Variants in GTF3C1 observed in about 807,000 individuals in gnomAD.
The protein encoded by GTF3C1 is general transcription factor IIIC subunit 1, also known as general transcription factor 3C polypeptide 1.
In GTF3C1, 57 loss-of-function variants were observed where a neutral mutation model predicts 226.7. The ratio of observed to expected loss-of-function variants is 0.25; its 90% CI spans 0.20 to 0.31. The LOEUF is 0.31. Among genes scored for constraint, GTF3C1 ranks in the 10% least tolerant of loss-of-function variants. The pLI is 1.00. For missense variants in GTF3C1, 2,217 were observed against 2,776.1 expected, an observed-to-expected ratio of 0.80 and a Z score of 4.53; for synonymous variants, 1,090 against 1,084.8, an observed-to-expected ratio of 1.00 and a Z score of -0.09.
chr16:27,547,173 T>G (rs1022022915), intron 1 of GTF3C1, among the ~76,000 whole-genome samples: 2 of 152,128 alleles, frequency 1.3e-5, no homozygotes, highest in African/African-American at 4.8e-5. Flanking sequence ...CCATCCAGCC[T>G]TGAAATGTAG....
In GTF3C1 at chr16:27,497,756, C is replaced by T. The variant is rs1322114533; in HGVS notation, c.2231G>A (p.Gly744Asp). The T allele has an allele frequency of 6.2e-7, 1 of 1,613,944 alleles. No homozygotes were observed. The highest frequency in any genetic ancestry group is 1.7e-5 in the Admixed American group (1 of 60,024). Residue 744 changes from glycine to aspartate, a missense_variant, in exon 14 of 37, where the codon GGC (glycine) becomes GAC (aspartate). Around this residue, in one of 12 missense-constraint regions of GTF3C1, gnomAD observed 100 missense variants for 139.9 expected, o/e 0.71. Coordinates refer to ENST00000356183, the MANE Select transcript of GTF3C1 (RefSeq NM_001520.4). ...EAEEDSQGKE[G>D]PSGSGDSQLS... The stretch of plus-strand genomic sequence containing the variant: ...CTGAGAGTCCCCTGATCCACTTGGG[C>T]CCTCTTTTCCTTGACTGTCTTCTTC...
rs556765768 is a variant in GTF3C1 at position 27,471,264 on chromosome 16, C to T, written c.4526+484G>A. Among the ~76,000 whole-genome samples, 5 of 152,304 alleles carry T rather than the reference C, an allele frequency of 3.3e-5. No homozygotes were observed. Among genetic ancestry groups the T allele is most frequent in the East Asian group, 3.9e-4 (2 of 5,158 alleles). On this transcript the variant is annotated intron_variant, in intron 30 of 36. Coordinates refer to ENST00000356183, the MANE Select transcript of GTF3C1 (RefSeq NM_001520.4). The surrounding 1 kb of genome is among the most constrained non-coding windows in gnomAD (Gnocchi z 5.0). ...GAGGCTGGTGGTGCAACGCCCTCTGCGGCATGAAGCCACACTGCAAGAGCG... is the reference window on the plus strand; with the variant it reads ...GAGGCTGGTGGTGCAACGCCCTCTGTGGCATGAAGCCACACTGCAAGAGCG...
At chr16:27,533,824 G>A (rs546361629) in intron 4 of GTF3C1, among the ~76,000 whole-genome samples, 1 of 152,274 alleles carries the variant, frequency 6.6e-6, no homozygotes, top group East Asian at 1.9e-4. Flanking sequence ...TGGCCAACAT[G>A]GTGAAAACCT....
At chr16:27,520,382 TG>T (rs1301879123) in intron 6 of GTF3C1, among the ~76,000 whole-genome samples, 1 of 152,216 alleles carries the variant, frequency 6.6e-6, no homozygotes, top group East Asian at 1.9e-4. Flanking sequence ...CCCAAAGTGC[TG>T]GGATTACAGG....
At chr16:27,486,455 G>A (rs1212029530) in intron 23 of GTF3C1, among the ~76,000 whole-genome samples, 2 of 152,160 alleles carry the variant, frequency 1.3e-5, no homozygotes, top group African/African-American at 2.4e-5. Context: ...CCCCCACTGT[G>A]ACAGAGTCCT....
intron 19 of GTF3C1, 79 bp from the exon 20 acceptor site, chr16:27,489,822 G>A (rs1314431512): frequency 7.0e-7 from 1 of 1,437,006 alleles, no homozygotes; most frequent in Non-Finnish European, 9.5e-7. Context: ...GCTGGGTGGG[G>A]AAGAAGAGTG....
intron 2 of GTF3C1, among the ~76,000 whole-genome samples, chr16:27,540,527 C>G (rs1418377941): frequency 6.6e-6 from 1 of 152,194 alleles, no homozygotes; most frequent in Non-Finnish European, 1.5e-5. Flanking sequence ...TTAGCTGATT[C>G]AATAACTCCG....
intron 24 of GTF3C1, 39 bp from the exon 25 acceptor site, chr16:27,484,392 C>G: frequency 6.7e-7 from 1 of 1,489,274 alleles, no homozygotes; most frequent in Non-Finnish European, 9.4e-7. Context: ...AGTCAGTATC[C>G]TCAGAGACGA....
rs371956864 is a variant in GTF3C1, at chr16:27,541,922, T to TATATC, written c.431+3387_431+3391dup. Among the ~76,000 whole-genome samples, 54 of 152,304 alleles carry TATATC rather than the reference T, an allele frequency of 3.5e-4. 1 individual carries two copies. The highest frequency in any genetic ancestry group is 1.1e-3 in the African/African-American group (47 of 41,572). On this transcript the variant is annotated intron_variant, in intron 2 of 36. Coordinates refer to ENST00000356183, the MANE Select transcript of GTF3C1 (RefSeq NM_001520.4). ...TGGCCAGCTGAGGGTAACTCTGGCC[T>TATATC]ATATCACCCTGTAAAAAATTGGTCT...
intron 23 of GTF3C1, 134 bp downstream of exon 23, chr16:27,488,093 A>G (rs1234882007): frequency 2.8e-6 from 2 of 710,632 alleles, no homozygotes; most frequent in Non-Finnish European, 4.9e-6. Flanking sequence ...ATAGAGAGTC[A>G]GCGCCACACA....
intron 24 of GTF3C1, 120 bp downstream of exon 24, chr16:27,485,877 C>A (rs2088130554): frequency 3.3e-6 from 2 of 612,496 alleles, no homozygotes; most frequent in South Asian, 4.3e-5. Context: ...AATGCTTTTC[C>A]CAGTGGCGAA....
At chr16:27,483,317 G>T (rs2088085343) in intron 25 of GTF3C1, 192 bp from the exon 26 acceptor site, 5 of 678,606 alleles carry the variant, frequency 7.4e-6, no homozygotes, top group Non-Finnish European at 1.3e-5. Flanking sequence ...CCTCAGTCAG[G>T]TCTGTTCACA....
chr16:27,505,843 C>T (rs370329430), intron 10 of GTF3C1, 56 bp downstream of exon 10: 19 of 975,006 alleles, frequency 1.9e-5, no homozygotes, highest in East Asian at 9.5e-5. Flanking sequence ...AACACAGAAA[C>T]GATGAGGCCA....
Position 27,506,962 on chromosome 16 carries a change from G to C in GTF3C1, c.1437C>G (p.Asp479Glu), listed in dbSNP as rs1264134599. The change falls in exon 9 of 37, where the codon GAC (aspartate) becomes GAG (glutamate). Residue 479 changes from aspartate to glutamate, a missense_variant. Coordinates refer to ENST00000356183, the MANE Select transcript of GTF3C1 (RefSeq NM_001520.4). ...EGEDTFLSES[D>E]SEEERSSSKR... is the part of the protein sequence containing the mutation. ...TGCTGCTGCTCCTCTCCTCCTCACT[G>C]TCCGACTCAGAGAGGAAGGTGTCCT... 5.0e-6 allele frequency: 8 copies of C among 1,613,538 alleles called. No individual in the cohort carries two copies. The South Asian group carries it at 7.7e-5, about 16-fold the overall frequency.
chr16:27,513,902 C>T (rs2088614368), intron 6 of GTF3C1, among the ~76,000 whole-genome samples: 1 of 152,128 alleles, frequency 6.6e-6, no homozygotes, highest in Non-Finnish European at 1.5e-5. Flanking sequence ...GTGTGAAATG[C>T]CATCCCCAAC....
intron 6 of GTF3C1, among the ~76,000 whole-genome samples, chr16:27,514,174 T>TC (rs1454450199): frequency 6.6e-6 from 1 of 151,990 alleles, no homozygotes; most frequent in African/African-American, 2.4e-5. Context: ...CATCAGAAAG[T>TC]CCCCCAGGGC....
intron 26 of GTF3C1, among the ~76,000 whole-genome samples, chr16:27,481,707 C>A (rs1411583409): frequency 6.6e-6 from 1 of 152,170 alleles, no homozygotes; most frequent in Non-Finnish European, 1.5e-5. Context: ...GTGTGCAATG[C>A]GACATGGTAT....
chr16:27,516,455 T>C (rs372068837), intron 6 of GTF3C1, among the ~76,000 whole-genome samples: 23 of 152,318 alleles, frequency 1.5e-4, no homozygotes, highest in African/African-American at 3.6e-4. Context: ...CCATGGGATC[T>C]GCGGCTCTGC....
At position 27,504,517 on chromosome 16, in the gene GTF3C1, G is replaced by C. The variant is rs543077864; in HGVS notation, c.1770+1382C>G. ...TAGGAACACTTCCAAAGCACAAAAA[G>C]GGAGAAGCGGCGTAGGGTAGGGACT... On this transcript the variant is annotated intron_variant, in intron 10 of 36. Coordinates refer to ENST00000356183, the MANE Select transcript of GTF3C1 (RefSeq NM_001520.4). Among the ~76,000 whole-genome samples the C allele has an allele frequency of 7.1e-4, 108 of 152,366 alleles. 1 individual carries two copies. The highest frequency in any genetic ancestry group is 2.4e-3 in the African/African-American group (101 of 41,584).
Sources: allele counts gnomAD v4.1 joint callset (sites outside exome capture counted in the v4.1 genomes callset), GRCh38; gene constraint gnomAD v4.1.1; regional missense constraint gnomAD v4.1.1; non-coding constraint Gnocchi (gnomAD v3.1); transcripts MANE v1.5; gene names NCBI Gene and HGNC (gene_info 2026-07-23, HGNC 2026-07-21).